Variants in PHRF1 observed in about 807,000 individuals in gnomAD.
PHRF1 encodes the protein PHD and RING finger domain-containing protein 1.
PHRF1 carries 53 observed loss-of-function variants against 128.9 expected under a neutral mutation model. That is an observed-to-expected ratio of 0.41 (90% CI 0.33 to 0.52). PHRF1 has a LOEUF of 0.52. Among genes scored for constraint, PHRF1 ranks in the 20% least tolerant of loss-of-function variants. The pLI is 0.21. For missense variants in PHRF1, 2,503 were observed against 2,284.5 expected, an observed-to-expected ratio of 1.10 and a Z score of -1.95; for synonymous variants, 1,178 against 980.6, an observed-to-expected ratio of 1.20 and a Z score of -3.76.
At position 607,971 on chromosome 11, in the gene PHRF1, G is replaced by T. The variant is rs1404363789; in HGVS notation, c.2515G>T (p.Asp839Tyr). 1 of 1,611,698 alleles carries T rather than the reference G, an allele frequency of 6.2e-7. No individual in the cohort carries two copies. Among genetic ancestry groups the T allele is most frequent in the Non-Finnish European group, 8.5e-7 (1 of 1,179,842 alleles). Residue 839 changes from aspartate (D) to tyrosine (Y), a missense_variant, in exon 14 of 18, where the codon GAC becomes TAC. Transcript: ENST00000264555. Reference sequence around the variant, plus strand: ...CGACCCATCCGACCCCACCGGCTCCGACTCCAGCGCCCCTGGCAGCAGCCC... The same window carrying T: ...CGACCCATCCGACCCCACCGGCTCCTACTCCAGCGCCCCTGGCAGCAGCCC... ...VYDPSDPTGS[D>Y]SSAPGSSPER...
intron 9 of PHRF1, among the ~76,000 whole-genome samples, chr11:601,258 T>C (rs903614475): frequency 1.3e-5 from 2 of 151,056 alleles, no homozygotes; most frequent in South Asian, 4.2e-4. Flanking sequence ...GGCAACATGA[T>C]AAGCCCTATC....
chr11:607,847 T>C lies in PHRF1; in HGVS notation c.2391T>C (p.Cys797=). 5 of 1,612,756 alleles carry C rather than the reference T, an allele frequency of 3.1e-6. No homozygotes were observed. The highest frequency in any genetic ancestry group is 3.4e-6 in the Non-Finnish European group (4 of 1,179,872). Residue 797 remains cysteine (C), a synonymous_variant, in exon 14 of 18, where the codon TGT becomes TGC. Coordinates refer to ENST00000264555, the MANE Select transcript of PHRF1 (RefSeq NM_001286581.2). The stretch of plus-strand genomic sequence containing the variant: ...GCCAGCTCTCCAGCCCTGGCTTCTG[T>C]AACACGTTCCGGCCTGTGGACGATA... ...HSSQLSSPGF[C]NTFRPVDDKE... is the part of the protein sequence containing the mutation.
chr11:609,771 C>A (rs1443781000), intron 14 of PHRF1, 51 bp downstream of exon 14: 22 of 1,256,216 alleles, frequency 1.8e-5, no homozygotes, highest in Middle Eastern at 5.6e-4. Flanking sequence ...GTGAGTAAGG[C>A]CCTGGCCCCC....
At position 605,813 on chromosome 11, in the gene PHRF1, C is replaced by T; in HGVS notation, c.1454+89C>T. Reference sequence around the variant, plus strand: ...AGGGTGGGGCCGTGATAGCCTGGCTCTCTGTGGCCCTGGGTGGCGTCAGCA... The same window carrying T: ...AGGGTGGGGCCGTGATAGCCTGGCTTTCTGTGGCCCTGGGTGGCGTCAGCA... On this transcript the variant is annotated intron_variant, in intron 12 of 17. Transcript: ENST00000264555. 2.7e-6 allele frequency: 4 copies of T among 1,471,094 alleles called. No homozygotes were observed. In the South Asian group the frequency reaches 5.5e-5, roughly 20 times the overall value. 91.1% of individuals were successfully genotyped at this position (1,471,094 alleles called of 1,614,324 possible).
intron 1 of PHRF1, among the ~76,000 whole-genome samples, chr11:579,017 T>G (rs182714224): frequency 6.6e-5 from 10 of 152,268 alleles, no homozygotes; most frequent in African/African-American, 2.2e-4. Context: ...TTTTTTCTAT[T>G]TTAGTAGAGA....
At chr11:603,242 C>T (rs1855744765) in intron 10 of PHRF1, among the ~76,000 whole-genome samples, 1 of 151,924 alleles carries the variant, frequency 6.6e-6, no homozygotes, top group Non-Finnish European at 1.5e-5. Flanking sequence ...TTTTCGTAGA[C>T]ACAAGCGTTC....
chr11:577,392 G>C (rs1015590464), intron 1 of PHRF1, among the ~76,000 whole-genome samples: 1 of 152,228 alleles, frequency 6.6e-6, no homozygotes, highest in African/African-American at 2.4e-5. Context: ...GGTGAACCAC[G>C]TTCTGGCCAG....
Position 582,181 on chromosome 11 carries a change from C to T in PHRF1, c.214+100C>T. The T allele has an allele frequency of 4.6e-6, 7 of 1,521,018 alleles. No homozygotes were observed. The South Asian group carries it at 8.7e-5, about 19-fold the overall frequency. The allele number at this position is 1,521,018 out of a possible 1,614,324, so 94.2% of individuals were successfully genotyped here. On this transcript the variant is annotated intron_variant, in intron 3 of 17. Coordinates refer to ENST00000264555, the MANE Select transcript of PHRF1 (RefSeq NM_001286581.2). Reference sequence around the variant, plus strand: ...CTCCGTGAGAGTGCTGTCACCACAGCTGGCCATGTCCCTGCGGTCACCTAC... The same window carrying T: ...CTCCGTGAGAGTGCTGTCACCACAGTTGGCCATGTCCCTGCGGTCACCTAC...
At chr11:577,427 C>T (rs1248412677) in intron 1 of PHRF1, among the ~76,000 whole-genome samples, 5 of 152,224 alleles carry the variant, frequency 3.3e-5, no homozygotes, top group African/African-American at 1.2e-4. Flanking sequence ...GCTCTGAGGC[C>T]GAGCTGAGGT....
At position 607,188 on chromosome 11, in the gene PHRF1, C is replaced by T; in HGVS notation, c.1732C>T (p.Pro578Ser). ...GGCCCAAGGCCCGTCAGGAAACAGGCCACAGAGCACAGGGCTCAGCTGTCA... is the reference window on the plus strand; with the variant it reads ...GGCCCAAGGCCCGTCAGGAAACAGGTCACAGAGCACAGGGCTCAGCTGTCA... ...SPAQGPSGNRPQSTGLSCQGR... is the reference protein window; with the variant it reads ...SPAQGPSGNRSQSTGLSCQGR... Residue 578 changes from proline to serine, a missense_variant, in exon 14 of 18, where the codon CCA becomes TCA. Physicochemically the swap from Pro to Ser is moderately conservative, Grantham distance 74 (BLOSUM62 -1). Coordinates refer to ENST00000264555, the MANE Select transcript of PHRF1 (RefSeq NM_001286581.2). 1 of 1,612,700 alleles carries T rather than the reference C, an allele frequency of 6.2e-7. No homozygotes were observed. The highest frequency in any genetic ancestry group is 1.1e-5 in the South Asian group (1 of 91,080).
At chr11:586,796 G>T (rs1854593567) in intron 3 of PHRF1, among the ~76,000 whole-genome samples, 1 of 152,176 alleles carries the variant, frequency 6.6e-6, no homozygotes, top group Non-Finnish European at 1.5e-5. Flanking sequence ...TCAGAAGGAA[G>T]TCCCTTCCGC....
chr11:607,339 A>G lies in PHRF1; in HGVS notation c.1883A>G (p.His628Arg). 6.2e-7 allele frequency: 1 copy of G among 1,612,718 alleles called. No individual in the cohort carries two copies. Among genetic ancestry groups the G allele is most frequent in the Non-Finnish European group, 8.5e-7 (1 of 1,179,880 alleles). The stretch of plus-strand genomic sequence containing the variant: ...AGTGTGCCTGGCTTCAGACAGAGCC[A>G]CAGCCCCTGGTTCAACGGCACCAAC... ...NGSVPGFRQS[H>R]SPWFNGTNKH... Residue 628 changes from histidine (H) to arginine (R), a missense_variant, in exon 14 of 18, where the codon CAC becomes CGC. By Grantham distance (29) the His-to-Arg change is conservative (BLOSUM62 0). Coordinates refer to ENST00000264555, the MANE Select transcript of PHRF1 (RefSeq NM_001286581.2).
At chr11:587,237 A>G (rs1400566959) in intron 3 of PHRF1, 22 bp from the exon 4 acceptor site, 5 of 1,610,436 alleles carry the variant, frequency 3.1e-6, no homozygotes, top group Non-Finnish European at 4.2e-6. Flanking sequence ...TGCTTGCACC[A>G]GCTGGCATGT....
Position 607,426 on chromosome 11 carries a change from C to T in PHRF1, c.1970C>T (p.Pro657Leu), listed in dbSNP as rs1238259409. 6.2e-7 allele frequency: 1 copy of T among 1,612,836 alleles called. No homozygotes were observed. Among genetic ancestry groups the T allele is most frequent in the East Asian group, 2.2e-5 (1 of 44,890 alleles). Reference protein sequence around the residue: ...SKISSRDSKPPCRSVVPGPPL... With the variant: ...SKISSRDSKPLCRSVVPGPPL... ...ATCTCAAGCAGAGATTCTAAGCCCC[C>T]ATGTCGCAGTGTGGTGCCGGGGCCT... The change falls in exon 14 of 18, where the codon CCA (proline) becomes CTA (leucine). Residue 657 changes from proline (P) to leucine (L), a missense_variant. By Grantham distance (98) the Pro-to-Leu change is moderately conservative. Transcript: ENST00000264555.
Position 610,414 on chromosome 11 carries a change from C to T in PHRF1, c.4416+67C>T, listed in dbSNP as rs1856297582. The T allele has an allele frequency of 7.1e-6, 11 of 1,539,348 alleles. 1 individual carries two copies. In the South Asian group the frequency reaches 8.7e-5, roughly 12 times the overall value. ...CCTGGCACCCGTGCCACACACACCA[C>T]ACTAGGCTGGGGCTGAGGCCTCACA... is the stretch of plus-strand genomic sequence containing the variant. On this transcript the variant is annotated intron_variant, in intron 15 of 17. Coordinates refer to ENST00000264555, the MANE Select transcript of PHRF1 (RefSeq NM_001286581.2).
At position 607,867 on chromosome 11, in the gene PHRF1, A is replaced by C. The variant is rs907601999; in HGVS notation, c.2411A>C (p.Asp804Ala). 12 of 1,612,634 alleles carry C rather than the reference A, an allele frequency of 7.4e-6. No homozygotes were observed. The highest frequency in any genetic ancestry group is 9.3e-6 in the Non-Finnish European group (11 of 1,179,880). ...PGFCNTFRPVDDKEQRKENPS... is the reference protein window; with the variant it reads ...PGFCNTFRPVADKEQRKENPS... ...TTCTGTAACACGTTCCGGCCTGTGG[A>C]CGATAAGGAGCAGAGGAAGGAGAAC... The change falls in exon 14 of 18, where the codon GAC (aspartate) becomes GCC (alanine). Residue 804 changes from aspartate to alanine, a missense_variant. Coordinates refer to ENST00000264555, the MANE Select transcript of PHRF1 (RefSeq NM_001286581.2).
At chr11:578,400 C>T (rs1854009880) in intron 1 of PHRF1, among the ~76,000 whole-genome samples, 2 of 152,158 alleles carry the variant, frequency 1.3e-5, no homozygotes, top group Admixed American at 1.3e-4. Flanking sequence ...TGGTAAAGTT[C>T]AAAGGCCTCA....
At chr11:601,793 G>A in intron 10 of PHRF1, 92 bp downstream of exon 10, 1 of 1,504,152 alleles carries the variant, frequency 6.6e-7, no homozygotes, top group Non-Finnish European at 9.0e-7. Context: ...GCTGGCCTTG[G>A]CACCCTCGCG....
rs750150266 is a variant in PHRF1, at chr11:608,695, G to C, written c.3239G>C (p.Gly1080Ala). 11 of 1,610,836 alleles carry C rather than the reference G, an allele frequency of 6.8e-6. No homozygotes were observed. Among genetic ancestry groups the C allele is most frequent in the African/African-American group, 1.3e-5 (1 of 74,580 alleles). The change falls in exon 14 of 18, where the codon GGC becomes GCC. Residue 1080 changes from glycine to alanine, a missense_variant. By Grantham distance (60) the Gly-to-Ala change is moderately conservative. Transcript: ENST00000264555. ...GACAAGAGCAGGGAGCACAGGCGGG[G>C]CCCCTGGGGCCACAGCCGGAGGACG... ...AKDKSREHRR[G>A]PWGHSRRTSR...
Sources: allele counts gnomAD v4.1 joint callset (sites outside exome capture counted in the v4.1 genomes callset), GRCh38; gene constraint gnomAD v4.1.1; transcripts MANE v1.5; gene names NCBI Gene and HGNC (gene_info 2026-07-23, HGNC 2026-07-21).